Variants in FAXC observed in about 807,000 individuals in gnomAD.
FAXC encodes the protein failed axon connections homolog.
A neutral mutation model predicts 41.9 loss-of-function variants in FAXC; 10 were observed. That is an observed-to-expected ratio of 0.24 (90% CI 0.15 to 0.41). The LOEUF (loss-of-function observed/expected upper bound fraction) is 0.41, where lower values mean the gene tolerates loss of function less well. FAXC is among the 10% of genes least tolerant of loss of function. The pLI is 1.00. For missense variants in FAXC, 399 were observed against 510.9 expected, an observed-to-expected ratio of 0.78 and a Z score of 2.11; for synonymous variants, 183 against 183.8, an observed-to-expected ratio of 1.00 and a Z score of 0.03.
At position 99,331,406 on chromosome 6, in the gene FAXC, G is replaced by T. The variant is rs765786957; in HGVS notation, c.599+1945C>A. ...CCTTACCCCACCCACACTCCACCCC[G>T]CATGGAGTATCAGCTCGGGGCTGGT... On this transcript the variant is annotated intron_variant, in intron 3 of 5. Coordinates refer to ENST00000389677, the MANE Select transcript of FAXC (RefSeq NM_032511.4). 5.9e-5 allele frequency among the ~76,000 whole-genome samples: 9 copies of T among 152,138 alleles called. No homozygotes were observed. In the South Asian group the frequency reaches 8.3e-4, roughly 14 times the overall value.
chr6:99,293,708 GTGTGTC>G (rs1172613434), intron 4 of FAXC, among the ~76,000 whole-genome samples: 29 of 92,066 alleles, frequency 3.1e-4, no homozygotes, highest in East Asian at 5.6e-4. Flanking sequence ...GTGTGTGTGT[GTGTGTC>G]TGTGTGTGTG....
chr6:99,349,529 A>AG lies in FAXC; in HGVS notation c.-158dup. On this transcript the variant is annotated 5_prime_UTR_variant, in exon 1 of 6. Coordinates refer to ENST00000389677, the MANE Select transcript of FAXC (RefSeq NM_032511.4). ...CGGCGGCGACTGAGGAGGCGGCGGC[A>AG]GAGGAGGAGGAGGAGGAAGGGCACT... The AG allele has an allele frequency of 1.3e-5, 4 of 301,402 alleles. No homozygotes were observed. Among genetic ancestry groups the AG allele is most frequent in the Non-Finnish European group, 1.9e-5 (4 of 206,134 alleles). 18.7% of individuals were successfully genotyped at this position (301,402 alleles called of 1,614,324 possible).
intron 5 of FAXC, among the ~76,000 whole-genome samples, chr6:99,288,390 T>C (rs988720282): frequency 5.9e-5 from 9 of 152,092 alleles, no homozygotes; most frequent in African/African-American, 1.9e-4. Flanking sequence ...AGTGTGTATA[T>C]ACATGTGGGT....
chr6:99,282,707 T>C (rs180948835), intron 5 of FAXC, among the ~76,000 whole-genome samples: 125 of 152,268 alleles, frequency 8.2e-4, no homozygotes, highest in African/African-American at 2.6e-3. Context: ...CTATCTCTTA[T>C]AGGACATTAT....
intron 5 of FAXC, among the ~76,000 whole-genome samples, chr6:99,289,771 T>G (rs13210891): frequency 0.12 from 18,140 of 151,042 alleles, 1,471 homozygotes; most frequent in Middle Eastern, 0.2. Flanking sequence ...CTGCCAAACA[T>G]CATACATTAG....
intron 5 of FAXC, chr6:99,284,096 C>T (rs1242842786): frequency 6.6e-6 from 1 of 152,110 alleles, no homozygotes; most frequent in African/African-American, 2.4e-5. Flanking sequence ...ATGTAAAGTG[C>T]TTCACTCACC....
intron 4 of FAXC, among the ~76,000 whole-genome samples, chr6:99,295,597 T>C (rs1183531563): frequency 1.3e-5 from 2 of 152,222 alleles, no homozygotes; most frequent in East Asian, 3.8e-4. Context: ...CAGCTCATCC[T>C]GCAGATCTTG....
intron 4 of FAXC, among the ~76,000 whole-genome samples, chr6:99,310,462 G>A (rs997546838): frequency 4.6e-5 from 7 of 152,232 alleles, no homozygotes; most frequent in African/African-American, 1.7e-4. Flanking sequence ...TGCCCGCATA[G>A]CTGTGTTTTA....
intron 4 of FAXC, among the ~76,000 whole-genome samples, chr6:99,320,911 G>C (rs1366314867): frequency 6.6e-6 from 1 of 152,180 alleles, no homozygotes; most frequent in Non-Finnish European, 1.5e-5. Context: ...GCCCCAGCCT[G>C]ACTTGTGCAG....
At chr6:99,342,512 T>C (rs1582691110) in intron 2 of FAXC, among the ~76,000 whole-genome samples, 1 of 152,112 alleles carries the variant, frequency 6.6e-6, no homozygotes, top group Non-Finnish European at 1.5e-5. Flanking sequence ...CCCAGCCAAT[T>C]TGTGTATTTT....
chr6:99,349,085 C>T (rs149005373), intron 1 of FAXC, 22 bp downstream of exon 1: 2 of 1,609,750 alleles, frequency 1.2e-6, no homozygotes, highest in Non-Finnish European at 1.7e-6. Context: ...CGCCCCTGTG[C>T]GGGGCCCTCT....
At position 99,349,482 on chromosome 6, in the gene FAXC, C is replaced by A; in HGVS notation, c.-110G>T. ...AGGCGCGCGGAGGGCGCGGGCGGCG[C>A]GGGCGGCGGCGACTGAGGAGGCGGC... On this transcript the variant is annotated 5_prime_UTR_variant, in exon 1 of 6. Coordinates refer to ENST00000389677, the MANE Select transcript of FAXC (RefSeq NM_032511.4). 1 of 824,384 alleles carries A rather than the reference C, an allele frequency of 1.2e-6. No homozygotes were observed. Among genetic ancestry groups the A allele is most frequent in the Non-Finnish European group, 1.5e-6 (1 of 683,830 alleles). 51.1% of individuals were successfully genotyped at this position (824,384 alleles called of 1,614,324 possible).
At chr6:99,292,663 G>A (rs1771291279) in intron 4 of FAXC, among the ~76,000 whole-genome samples, 1 of 152,198 alleles carries the variant, frequency 6.6e-6, no homozygotes, top group African/African-American at 2.4e-5. Flanking sequence ...TACAGCCTCA[G>A]TTTTCCCATC....
At chr6:99,308,333 G>C (rs1166475879) in intron 4 of FAXC, among the ~76,000 whole-genome samples, 1 of 152,194 alleles carries the variant, frequency 6.6e-6, no homozygotes, top group Non-Finnish European at 1.5e-5. Flanking sequence ...TAAAGAATCA[G>C]AAGAATCAGA....
chr6:99,338,629 T>A (rs1181147930), intron 2 of FAXC, among the ~76,000 whole-genome samples: 1 of 152,204 alleles, frequency 6.6e-6, no homozygotes, highest in African/African-American at 2.4e-5. Context: ...AGGCAATCTG[T>A]TCAAGAGTGA....
chr6:99,279,033 T>G lies in FAXC; in HGVS notation c.*2131A>C, dbSNP rs1770729185. 6.6e-6 allele frequency: 1 copy of G among 152,190 alleles called. No individual in the cohort carries two copies. Among genetic ancestry groups the G allele is most frequent in the Non-Finnish European group, 1.5e-5 (1 of 68,030 alleles). 9.4% of individuals were successfully genotyped at this position (152,190 alleles called of 1,614,324 possible). ...GGTGGGAAAAGGACAACCCATGCTT[T>G]GTGGAGACAGGTCTGCAGTCCACCT... On this transcript the variant is annotated 3_prime_UTR_variant, in exon 6 of 6. Coordinates refer to ENST00000389677, the MANE Select transcript of FAXC (RefSeq NM_032511.4).
chr6:99,315,215 T>C (rs894242610), intron 4 of FAXC, among the ~76,000 whole-genome samples: 3 of 113,168 alleles, frequency 2.7e-5, no homozygotes, highest in East Asian at 6.0e-4. Flanking sequence ...CCTGGGCAAC[T>C]GAGCAACACT....
intron 4 of FAXC, among the ~76,000 whole-genome samples, chr6:99,307,859 T>C (rs1446540056): frequency 6.6e-6 from 1 of 151,970 alleles, no homozygotes; most frequent in Non-Finnish European, 1.5e-5. Flanking sequence ...TAAGATTCCA[T>C]GTGACTCTCA....
In FAXC at chr6:99,315,071, T is replaced by C. The variant is rs976850337; in HGVS notation, c.823+8373A>G. On this transcript the variant is annotated intron_variant, in intron 4 of 5. Transcript: ENST00000389677. The stretch of plus-strand genomic sequence containing the variant: ...CAACATGGTGAAAGACCATCTCTAA[T>C]AAAAATACAAAAATTAGCCAGGTGT... Among the ~76,000 whole-genome samples the C allele has an allele frequency of 3.3e-5, 5 of 151,406 alleles. No individual in the cohort carries two copies. The East Asian group carries it at 5.8e-4, about 18-fold the overall frequency.
Sources: allele counts gnomAD v4.1 joint callset (sites outside exome capture counted in the v4.1 genomes callset), GRCh38; gene constraint gnomAD v4.1.1; transcripts MANE v1.5; gene names NCBI Gene and HGNC (gene_info 2026-07-23, HGNC 2026-07-21).